FAR2: variants seen among roughly 807,000 people sequenced by gnomAD.
FAR2 encodes epididymis secretory protein Li 81.
Under a neutral mutation model 56.0 loss-of-function variants are expected in FAR2, and 19 were observed. The ratio of observed to expected loss-of-function variants is 0.34; its 90% CI spans 0.24 to 0.50. FAR2 has a LOEUF of 0.50. Ranked by LOEUF, FAR2 falls within the 20% of genes least tolerant of loss-of-function variation. The pLI, the probability that FAR2 is intolerant of heterozygous loss-of-function variation, is 0.98. For synonymous variants in FAR2, 219 were observed against 218.8 expected (o/e 1.00, Z -0.01); for missense variants, 508 against 642.2 (o/e 0.79, Z 2.26).
At position 29,333,845 on chromosome 12, in the gene FAR2, C is replaced by T; in HGVS notation, c.*51C>T. On this transcript the variant is annotated 3_prime_UTR_variant, in exon 12 of 12. Coordinates refer to ENST00000536681, the MANE Select transcript of FAR2 (RefSeq NM_001271783.2). ...TGGAACCTCTCAGATACCTCTAAAA[C>T]AGCAAACTGTGATTCTCAAGATTAG... 6.6e-7 allele frequency: 1 copy of T among 1,519,622 alleles called. No homozygotes were observed. The highest frequency in any genetic ancestry group is 1.2e-5 in the South Asian group (1 of 83,952). 94.1% of individuals were successfully genotyped at this position (1,519,622 alleles called of 1,614,324 possible). A position where few individuals can be genotyped will look rare whatever the true frequency, so the allele number is the denominator to read the frequency against.
chr12:29,204,200 T>C (rs12371983), intron 1 of FAR2, among the ~76,000 whole-genome samples: 72,123 of 151,596 alleles, frequency 0.48, 18,458 homozygotes, highest in Admixed American at 0.61. Context: ...TGGAAATAAA[T>C]TTGTTCTCCA....
rs1949005990 is a variant in FAR2, at chr12:29,293,424, C to T, written c.314C>T (p.Thr105Ile). The change falls in exon 3 of 12, where the codon ACA becomes ATA. Residue 105 changes from threonine to isoleucine, a missense_variant. By Grantham distance (89) the Thr-to-Ile change is moderately conservative (BLOSUM62 -1). Coordinates refer to ENST00000536681, the MANE Select transcript of FAR2 (RefSeq NM_001271783.2). ...KEDMQELLSC[T>I]NIIFHCAATV... ...GACATGCAGGAGCTTCTCTCCTGTA[C>T]AAACATAATATTTCACTGTGCAGCC... The T allele has an allele frequency of 1.2e-6, 2 of 1,608,454 alleles. No individual in the cohort carries two copies. Among genetic ancestry groups the T allele is most frequent in the Non-Finnish European group, 1.7e-6 (2 of 1,178,244 alleles).
intron 3 of FAR2, among the ~76,000 whole-genome samples, chr12:29,295,418 A>C (rs954255584): frequency 1.2e-4 from 18 of 152,138 alleles, no homozygotes; most frequent in Non-Finnish European, 2.5e-4. Flanking sequence ...CTCTTTGCAT[A>C]TACTTCCTGA....
chr12:29,242,678 C>T (rs1005804614), intron 1 of FAR2, among the ~76,000 whole-genome samples: 4 of 152,190 alleles, frequency 2.6e-5, no homozygotes, highest in African/African-American at 9.7e-5. Context: ...AGCAGGCCTG[C>T]AGGCCGATAT....
intron 2 of FAR2, among the ~76,000 whole-genome samples, chr12:29,286,200 A>G (rs995591437): frequency 3.9e-5 from 6 of 152,292 alleles, no homozygotes; most frequent in African/African-American, 1.4e-4. Flanking sequence ...AGCGGTGGGC[A>G]CTATGACAAA....
At chr12:29,202,798 AG>A in intron 1 of FAR2, among the ~76,000 whole-genome samples, 1 of 152,242 alleles carries the variant, frequency 6.6e-6, no homozygotes, top group Non-Finnish European at 1.5e-5. Flanking sequence ...AAACTTCCTG[AG>A]GCTTCCTCAG....
At chr12:29,223,338 G>C (rs1306594887) in intron 1 of FAR2, among the ~76,000 whole-genome samples, 2 of 152,214 alleles carry the variant, frequency 1.3e-5, no homozygotes, top group Non-Finnish European at 2.9e-5. Context: ...ACATAAAACT[G>C]GGAGGTAGGT....
intron 10 of FAR2, among the ~76,000 whole-genome samples, chr12:29,323,859 C>T (rs12301257): frequency 0.048 from 7,342 of 152,238 alleles, 492 homozygotes; most frequent in African/African-American, 0.15. Context: ...TCCAAAGGAA[C>T]GCAGCTCCTC....
At chr12:29,257,463 A>C (rs7303605) in intron 1 of FAR2, among the ~76,000 whole-genome samples, 25 of 152,206 alleles carry the variant, frequency 1.6e-4, no homozygotes, top group African/African-American at 4.6e-4. Flanking sequence ...CAGGCTGCCC[A>C]AGCCAGCAGT....
chr12:29,159,211 C>T (rs1330123220), intron 1 of FAR2, among the ~76,000 whole-genome samples: 2 of 152,268 alleles, frequency 1.3e-5, no homozygotes, highest in Non-Finnish European at 1.5e-5. Flanking sequence ...AATGACTTGA[C>T]TTCCCATAGC....
intron 11 of FAR2, 77 bp downstream of exon 11, chr12:29,332,804 A>C (rs1565529736): frequency 7.3e-7 from 1 of 1,362,348 alleles, no homozygotes; most frequent in Admixed American, 1.9e-5. Flanking sequence ...ACATTTGTGC[A>C]GAGGAGAATG....
At chr12:29,257,492 T>C (rs1160365332) in intron 1 of FAR2, among the ~76,000 whole-genome samples, 3 of 152,316 alleles carry the variant, frequency 2.0e-5, no homozygotes, top group South Asian at 2.1e-4. Context: ...GCTGGGGTCC[T>C]CTTCCACGCT....
At chr12:29,318,050 C>T (rs1389800686) in intron 9 of FAR2, among the ~76,000 whole-genome samples, 2 of 152,172 alleles carry the variant, frequency 1.3e-5, no homozygotes, top group African/African-American at 4.8e-5. Flanking sequence ...TATTATGTGT[C>T]AGAGGAGTCA....
At chr12:29,150,432 C>T (rs1029989299) in intron 1 of FAR2, among the ~76,000 whole-genome samples, 31 of 152,132 alleles carry the variant, frequency 2.0e-4, no homozygotes, top group African/African-American at 7.5e-4. Flanking sequence ...TCAGGTAGAT[C>T]GTGCTTTTCT....
chr12:29,317,045 C>T (rs919203178), intron 9 of FAR2, 33 bp downstream of exon 9: 1 of 1,594,766 alleles, frequency 6.3e-7, no homozygotes, highest in Non-Finnish European at 8.5e-7. Context: ...TTGAGAGTGT[C>T]ACTGCATGGG....
chr12:29,291,479 T>C (rs1948966776), intron 2 of FAR2: 2 of 455,816 alleles, frequency 4.4e-6, no homozygotes, highest in African/African-American at 2.0e-5. Context: ...TTGTATGCAG[T>C]TATTCATCTG....
chr12:29,152,020 T>TAA (rs1487068717), intron 1 of FAR2: 5 of 152,160 alleles, frequency 3.3e-5, no homozygotes, highest in Non-Finnish European at 5.9e-5. Context: ...CCTTATAGTT[T>TAA]GGTGGAAAAT....
At chr12:29,300,417 TAAC>T (rs1336098490) in intron 4 of FAR2, among the ~76,000 whole-genome samples, 1 of 152,210 alleles carries the variant, frequency 6.6e-6, no homozygotes, top group Admixed American at 6.5e-5. Flanking sequence ...AGTTTTAGAA[TAAC>T]AACATTAAAA....
rs76964001 is a variant in FAR2, at chr12:29,161,776, C to T, written c.-39+12369C>T. 5.1e-3 allele frequency among the ~76,000 whole-genome samples: 777 copies of T among 152,314 alleles called. 12 individuals are homozygous for T. Among genetic ancestry groups the T allele is most frequent in the African/African-American group, 0.018 (729 of 41,582 alleles). ...TCAAGAATTTCCCTTGTTCCACATTCTTGTCAACACTTCTTATTTTCTGTC... is the reference window on the plus strand; with the variant it reads ...TCAAGAATTTCCCTTGTTCCACATTTTTGTCAACACTTCTTATTTTCTGTC... On this transcript the variant is annotated intron_variant, in intron 1 of 11. Coordinates refer to ENST00000536681, the MANE Select transcript of FAR2 (RefSeq NM_001271783.2).
Sources: allele counts gnomAD v4.1 joint callset (sites outside exome capture counted in the v4.1 genomes callset), GRCh38; gene constraint gnomAD v4.1.1; transcripts MANE v1.5; gene names NCBI Gene and HGNC (gene_info 2026-07-23, HGNC 2026-07-21).